Variants in SHISAL2A observed in about 807,000 individuals in gnomAD.
SHISAL2A encodes the protein shisa like 2A.
SHISAL2A carries 18 observed loss-of-function variants against 11.5 expected under a neutral mutation model. That is an observed-to-expected ratio of 1.57 (90% CI 1.08 to 2.33). The LOEUF is 2.33. SHISAL2A is among the 30% of genes most tolerant of loss of function. The probability of loss-of-function intolerance (pLI) is 0.00; values close to 1 mark genes in which losing one functional copy is unlikely to be tolerated. For synonymous variants in SHISAL2A, 94 were observed against 99.6 expected, an observed-to-expected ratio of 0.94 and a Z score of 0.34; for missense variants, 261 against 250.9, an observed-to-expected ratio of 1.04 and a Z score of -0.27.
At chr1:52,650,121 T>A (rs990039221) in intron 2 of SHISAL2A, among the ~76,000 whole-genome samples, 2 of 152,162 alleles carry the variant, frequency 1.3e-5, no homozygotes, top group Non-Finnish European at 2.9e-5. Flanking sequence ...CTCAGTCATG[T>A]CACCCCAGAG....
In SHISAL2A at chr1:52,633,667, G is replaced by A; in HGVS notation, c.174G>A (p.Trp58Ter). The A allele has an allele frequency of 6.2e-7, 1 of 1,607,718 alleles. No homozygotes were observed. Among genetic ancestry groups the A allele is most frequent in the Non-Finnish European group, 8.5e-7 (1 of 1,177,190 alleles). The change falls in exon 1 of 3, where the codon TGG (tryptophan) becomes TGA (stop). Residue 58 changes from tryptophan to a stop codon, truncating the protein, a stop_gained. Coordinates refer to ENST00000517870, the MANE Select transcript of SHISAL2A (RefSeq NM_001042693.3). LOFTEE classifies it high-confidence loss of function. The surrounding 1 kb of genome is among the most constrained non-coding windows in gnomAD (Gnocchi z 6.4). The part of the protein sequence containing the change: ...SFFPYEHSYM[W>*]WLSIGALIGL... Reference sequence around the variant, plus strand: ...TCCCCTACGAGCACAGCTACATGTGGTGGCTCAGGTACCGTCCCTGGCCCT... The same window carrying A: ...TCCCCTACGAGCACAGCTACATGTGATGGCTCAGGTACCGTCCCTGGCCCT...
chr1:52,663,756 C>T (rs1430454100), intron 4 of SHISAL2A, among the ~76,000 whole-genome samples: 2 of 151,484 alleles, frequency 1.3e-5, no homozygotes, highest in Non-Finnish European at 2.9e-5. Flanking sequence ...AGCGAAACTG[C>T]GTCTAAAAAA....
chr1:52,662,032 CA>C (rs993611126), downstream of SHISAL2A, among the ~76,000 whole-genome samples: 338 of 136,548 alleles, frequency 2.5e-3, no homozygotes, highest in African/African-American at 5.4e-3. Flanking sequence ...GACTCCGTCT[CA>C]AAAAAAAAAA....
chr1:52,647,791 G>C (rs1691533889), intron 2 of SHISAL2A, among the ~76,000 whole-genome samples: 1 of 151,170 alleles, frequency 6.6e-6, no homozygotes. Context: ...ACTGCAGTGA[G>C]CCAGGATCGG....
chr1:52,658,043 AC>A (rs1319666548), downstream of SHISAL2A, among the ~76,000 whole-genome samples: 2 of 82,524 alleles, frequency 2.4e-5, no homozygotes, highest in African/African-American at 1.3e-4. Flanking sequence ...TTACTAGAAG[AC>A]TTTTTTTTTT....
intron 2 of SHISAL2A, among the ~76,000 whole-genome samples, chr1:52,655,504 T>C (rs1691772460): frequency 7.2e-6 from 1 of 138,698 alleles, no homozygotes; most frequent in East Asian, 2.3e-4. Context: ...TGCACACCTA[T>C]AGACCTAGCT....
intron 2 of SHISAL2A, among the ~76,000 whole-genome samples, chr1:52,653,603 C>G (rs1691722396): frequency 6.6e-6 from 1 of 151,956 alleles, no homozygotes. Context: ...GAGGGAGACC[C>G]CTGTCTCTAA....
intron 5 of SHISAL2A, among the ~76,000 whole-genome samples, chr1:52,667,987 G>T (rs1207238221): frequency 6.6e-6 from 1 of 152,140 alleles, no homozygotes; most frequent in East Asian, 1.9e-4. Flanking sequence ...TAACTGAGAT[G>T]GTCACCCCGG....
chr1:52,634,318 C>T (rs919642696), intron 1 of SHISAL2A, among the ~76,000 whole-genome samples: 2 of 152,156 alleles, frequency 1.3e-5, no homozygotes, highest in African/African-American at 4.8e-5. Flanking sequence ...ACCCTTGGTT[C>T]CCTTTTGTAT....
chr1:52,657,067 C>T (rs761293309), downstream of SHISAL2A: 1 of 1,556,656 alleles, frequency 6.4e-7, no homozygotes, highest in Admixed American at 1.9e-5. Flanking sequence ...TCCATACCAT[C>T]CCCTTCTGGA....
At chr1:52,643,093 G>T in intron 2 of SHISAL2A, 91 bp downstream of exon 2, 1 of 1,301,972 alleles carries the variant, frequency 7.7e-7, no homozygotes, top group Non-Finnish European at 1.1e-6. Flanking sequence ...TGGAACATTT[G>T]CCTCATGACT....
chr1:52,657,885 TCAGACTGAATA>T (rs1474272534), downstream of SHISAL2A, among the ~76,000 whole-genome samples: 1 of 152,178 alleles, frequency 6.6e-6, no homozygotes, highest in Non-Finnish European at 1.5e-5. Flanking sequence ...TGAATGGTTA[TCAGACTGAATA>T]CAGGCTCCAG....
At chr1:52,643,920 AAGGAAGGGAG>A (rs1232563169) in intron 2 of SHISAL2A, among the ~76,000 whole-genome samples, 1 of 151,846 alleles carries the variant, frequency 6.6e-6, no homozygotes, top group African/African-American at 2.4e-5. Flanking sequence ...AGGAGGGAGT[AAGGAAGGGAG>A]AGAAAGAGAA....
At chr1:52,653,288 A>T (rs1342812545) in intron 2 of SHISAL2A, among the ~76,000 whole-genome samples, 4 of 46,852 alleles carry the variant, frequency 8.5e-5, no homozygotes, top group Non-Finnish European at 1.6e-4. Context: ...TGTCTCTACA[A>T]AAAAAAAAAA....
chr1:52,659,041 GGTGT>G (rs141913792), downstream of SHISAL2A, among the ~76,000 whole-genome samples: 4 of 147,560 alleles, frequency 2.7e-5, no homozygotes, highest in Non-Finnish European at 4.5e-5. Context: ...TGGTGGTGGT[GGTGT>G]GTGTGTGTGT....
intron 2 of SHISAL2A, among the ~76,000 whole-genome samples, chr1:52,647,822 C>T (rs1016679352): frequency 2.0e-4 from 29 of 143,990 alleles, no homozygotes; most frequent in African/African-American, 4.9e-4. Flanking sequence ...CCAGCCTGGG[C>T]GACAGATCAA....
chr1:52,633,781 C>A lies in SHISAL2A; in HGVS notation c.182+106C>A. On this transcript the variant is annotated intron_variant, in intron 1 of 2. Transcript: ENST00000517870. This position sits in a 1 kb window ranked among gnomAD's most constrained non-coding sequence, Gnocchi z 6.4. ...TGTCCACCTGAACATCAGCAGCAAG[C>A]TCTAGTCCTTACCGTCCTCATGCCC... 1.1e-6 allele frequency: 1 copy of A among 912,880 alleles called. No individual in the cohort carries two copies. Among genetic ancestry groups the A allele is most frequent in the Non-Finnish European group, 1.7e-6 (1 of 588,964 alleles). The allele number at this position is 912,880 out of a possible 1,614,324, so 56.5% of individuals were successfully genotyped here.
At chr1:52,669,327 C>T (rs924144522) in exon 6 of SHISAL2A, 2 of 151,622 alleles carry the variant, frequency 1.3e-5, no homozygotes, top group Admixed American at 1.3e-4. Context: ...GATTCAGAGG[C>T]TGAATCAGAT....
chr1:52,664,098 A>G (rs1254663479), intron 4 of SHISAL2A, among the ~76,000 whole-genome samples: 1 of 152,258 alleles, frequency 6.6e-6, no homozygotes, highest in Non-Finnish European at 1.5e-5. Context: ...ATAACTACAG[A>G]AGACAAAGGT....
Sources: gnomAD v4.1 joint callset for allele counts (sites outside exome capture counted in the v4.1 genomes callset) on GRCh38, gnomAD v4.1.1 for gene constraint, Gnocchi (gnomAD v3.1) non-coding constraint, MANE v1.5 for transcripts, NCBI Gene and HGNC (gene_info 2026-07-23, HGNC 2026-07-21) for gene names.